Variants in EEA1 observed in about 807,000 individuals in gnomAD.
EEA1 encodes the protein early endosome antigen 1.
EEA1 carries 111 observed loss-of-function variants against 209.2 expected under a neutral mutation model. The observed-to-expected ratio is 0.53, with a 90% CI of 0.45 to 0.62. The LOEUF (loss-of-function observed/expected upper bound fraction) is 0.62, where lower values mean the gene tolerates loss of function less well. Among genes scored for constraint, EEA1 ranks in the 20% least tolerant of loss-of-function variants. The probability of loss-of-function intolerance (pLI) is 0.00; values close to 1 mark genes in which losing one functional copy is unlikely to be tolerated. For synonymous variants in EEA1, 536 were observed against 540.6 expected (o/e 0.99, Z 0.12); for missense variants, 1,343 against 1,530.8 (o/e 0.88, Z 2.05).
intron 2 of EEA1, among the ~76,000 whole-genome samples, chr12:92,882,443 AG>A: frequency 6.6e-6 from 1 of 150,496 alleles, no homozygotes. Flanking sequence ...TTAGATTCAG[AG>A]GGTGTATGTG....
intron 1 of EEA1, among the ~76,000 whole-genome samples, chr12:92,916,601 C>CT (rs1414239506): frequency 1.9e-5 from 2 of 103,218 alleles, no homozygotes; most frequent in African/African-American, 4.6e-5. Context: ...TGCAGTGAGC[C>CT]ATCATCAAAG....
intron 21 of EEA1, among the ~76,000 whole-genome samples, chr12:92,794,213 T>C (rs981665636): frequency 1.3e-5 from 2 of 152,120 alleles, no homozygotes; most frequent in Non-Finnish European, 2.9e-5. Context: ...TGGCAATCAT[T>C]AAAAAGTCAG....
intron 11 of EEA1, among the ~76,000 whole-genome samples, chr12:92,831,949 C>T (rs890544073): frequency 6.6e-6 from 1 of 150,546 alleles, no homozygotes; most frequent in African/African-American, 2.4e-5. Context: ...TAGCCGGGCG[C>T]GGTGGCGGGC....
intron 2 of EEA1, among the ~76,000 whole-genome samples, chr12:92,887,516 G>A (rs1455289193): frequency 6.6e-6 from 1 of 151,988 alleles, no homozygotes; most frequent in Non-Finnish European, 1.5e-5. Context: ...CAAAAAGCCA[G>A]GCATGGTGAT....
intron 1 of EEA1, among the ~76,000 whole-genome samples, chr12:92,915,170 C>A (rs550058517): frequency 6.6e-6 from 1 of 152,044 alleles, no homozygotes; most frequent in East Asian, 1.9e-4. Context: ...GACCTAGAAT[C>A]AAAATTTAAA....
chr12:92,917,714 A>C (rs1423119788), intron 1 of EEA1, among the ~76,000 whole-genome samples: 2 of 142,518 alleles, frequency 1.4e-5, no homozygotes, highest in East Asian at 4.1e-4. Flanking sequence ...AGCTAACATC[A>C]TAATGACAGG....
At chr12:92,820,032 C>A (rs1875973317) in intron 13 of EEA1, among the ~76,000 whole-genome samples, 2 of 152,132 alleles carry the variant, frequency 1.3e-5, no homozygotes, top group Admixed American at 1.3e-4. Context: ...CTTTCCATAG[C>A]GCTTACTTTC....
At chr12:92,922,024 T>C (rs1450139552) in intron 1 of EEA1, among the ~76,000 whole-genome samples, 4 of 149,844 alleles carry the variant, frequency 2.7e-5, no homozygotes, top group Admixed American at 6.6e-5. Context: ...CATTTCCCCC[T>C]GTGACTCTCT....
At chr12:92,788,081 T>C (rs1315697988) in intron 21 of EEA1, 32 bp from the exon 22 acceptor site, 1 of 1,460,174 alleles carries the variant, frequency 6.8e-7, no homozygotes, top group Non-Finnish European at 9.0e-7. Context: ...TAAAACAGTA[T>C]GCATTCCAAA....
chr12:92,815,565 T>C (rs1875740208), intron 15 of EEA1, among the ~76,000 whole-genome samples: 1 of 152,320 alleles, frequency 6.6e-6, no homozygotes, highest in South Asian at 2.1e-4. Flanking sequence ...TTGAACTATT[T>C]CTATAAATTT....
chr12:92,903,872 T>A (rs577805890), intron 1 of EEA1, among the ~76,000 whole-genome samples: 17 of 152,136 alleles, frequency 1.1e-4, no homozygotes, highest in Non-Finnish European at 1.5e-4. Context: ...ACTGAATAGA[T>A]GAGATTTGTG....
At chr12:92,780,467 T>C (rs563593327) in intron 23 of EEA1, 56 bp from the exon 24 acceptor site, 42 of 1,243,050 alleles carry the variant, frequency 3.4e-5, no homozygotes, top group South Asian at 1.4e-4. Context: ...TAAATGAAAA[T>C]GGGTGTAATA....
chr12:92,915,595 G>A (rs1016898410), intron 1 of EEA1, among the ~76,000 whole-genome samples: 4 of 152,200 alleles, frequency 2.6e-5, no homozygotes, highest in Non-Finnish European at 5.9e-5. Context: ...GCCTGACAAC[G>A]CTCTGCTATC....
Position 92,798,916 on chromosome 12 carries a change from C to G in EEA1, c.2943G>C (p.Glu981Asp), listed in dbSNP as rs1874771104. 6.3e-7 allele frequency: 1 copy of G among 1,593,154 alleles called. No individual in the cohort carries two copies. The highest frequency in any genetic ancestry group is 1.8e-5 in the Admixed American group (1 of 54,868). Reference sequence around the variant, plus strand: ...CCTTCTGTAAAACAGCAATTTTAAGCTCTCCTTGGAGTGCTTCAATTTGTT... The same window carrying G: ...CCTTCTGTAAAACAGCAATTTTAAGGTCTCCTTGGAGTGCTTCAATTTGTT... Reference protein sequence around the residue: ...KKKQIEALQGELKIAVLQKTE... With the variant: ...KKKQIEALQGDLKIAVLQKTE... Residue 981 changes from glutamate to aspartate, a missense_variant, in exon 21 of 29, where the codon GAG becomes GAC. Glu to Asp is a conservative substitution (Grantham distance 45, BLOSUM62 2). Coordinates refer to ENST00000322349, the MANE Select transcript of EEA1 (RefSeq NM_003566.4).
At chr12:92,858,716 A>G in intron 3 of EEA1, 1 of 738,264 alleles carries the variant, frequency 1.4e-6, no homozygotes, top group South Asian at 1.3e-5. Flanking sequence ...TGGCATGATG[A>G]AGAGGTTCGT....
intron 9 of EEA1, 65 bp from the exon 10 acceptor site, chr12:92,842,646 A>C (rs1877219778): frequency 1.0e-6 from 1 of 989,006 alleles, no homozygotes; most frequent in African/African-American, 1.7e-5. Context: ...AAAAAAATGA[A>C]AGTATATAAA....
chr12:92,908,661 T>G (rs981026190), intron 1 of EEA1, among the ~76,000 whole-genome samples: 1 of 152,104 alleles, frequency 6.6e-6, no homozygotes, highest in Admixed American at 6.5e-5. Flanking sequence ...TTAGCCATAA[T>G]ATTCATATTG....
At chr12:92,891,801 C>T in intron 1 of EEA1, 80 bp from the exon 2 acceptor site, 1 of 985,230 alleles carries the variant, frequency 1.0e-6, no homozygotes, top group South Asian at 1.5e-5. Context: ...ATAATCTAAA[C>T]CTTTTCACAT....
Position 92,832,014 on chromosome 12 carries a change from G to A in EEA1, c.1254+498C>T, listed in dbSNP as rs531793456. Among the ~76,000 whole-genome samples, 482 of 150,166 alleles carry A rather than the reference G, an allele frequency of 3.2e-3. 2 individuals carry two copies. Among genetic ancestry groups the A allele is most frequent in the African/African-American group, 0.011 (459 of 40,886 alleles). ...AGGCAGGAGAATGGCGTGAACCCGGGAAGCGGAGCTTGCAGTGAGCCGAGA... is the reference window on the plus strand; with the variant it reads ...AGGCAGGAGAATGGCGTGAACCCGGAAAGCGGAGCTTGCAGTGAGCCGAGA... On this transcript the variant is annotated intron_variant, in intron 11 of 28. Coordinates refer to ENST00000322349, the MANE Select transcript of EEA1 (RefSeq NM_003566.4).
Sources: gnomAD v4.1 joint callset for allele counts (sites outside exome capture counted in the v4.1 genomes callset) on GRCh38, gnomAD v4.1.1 for gene constraint, MANE v1.5 for transcripts, NCBI Gene and HGNC (gene_info 2026-07-23, HGNC 2026-07-21) for gene names.